Variants in NOL4 observed in about 807,000 individuals in gnomAD.
NOL4 encodes the protein cancer/testis antigen 125.
A neutral mutation model predicts 75.9 loss-of-function variants in NOL4; 17 were observed. The ratio of observed to expected loss-of-function variants is 0.22; its 90% CI spans 0.15 to 0.34. The LOEUF is 0.34. Among genes scored for constraint, NOL4 ranks in the 10% least tolerant of loss-of-function variants. NOL4 has a pLI of 1.00. For synonymous variants in NOL4, 292 were observed against 289.9 expected (o/e 1.01, Z -0.07); for missense variants, 614 against 793.5 (o/e 0.77, Z 2.72).
intron 2 of NOL4, among the ~76,000 whole-genome samples, chr18:34,115,805 C>G (rs750190229): frequency 6.6e-6 from 1 of 152,114 alleles, no homozygotes; most frequent in African/African-American, 2.4e-5. Context: ...CTTGGTGTGT[C>G]CACGTTCTTG....
At chr18:34,151,946 G>A (rs1287545289) in intron 1 of NOL4, among the ~76,000 whole-genome samples, 1 of 151,724 alleles carries the variant, frequency 6.6e-6, no homozygotes, top group African/African-American at 2.4e-5. Flanking sequence ...TTATTCTAGT[G>A]GACCGACAAC....
At chr18:34,200,534 T>C (rs1018600095) in intron 1 of NOL4, among the ~76,000 whole-genome samples, 6 of 151,802 alleles carry the variant, frequency 4.0e-5, no homozygotes, top group Non-Finnish European at 8.9e-5. Context: ...TATCTTCATA[T>C]GGCAAAACAA....
At chr18:33,854,908 C>T (rs552148359) in intron 10 of NOL4, among the ~76,000 whole-genome samples, 2 of 152,044 alleles carry the variant, frequency 1.3e-5, no homozygotes, top group South Asian at 2.1e-4. Flanking sequence ...TTACACCCTA[C>T]CGCTGGCTCA....
At chr18:33,987,540 T>C (rs1372946824) in intron 6 of NOL4, among the ~76,000 whole-genome samples, 1 of 152,150 alleles carries the variant, frequency 6.6e-6, no homozygotes, top group Non-Finnish European at 1.5e-5. Context: ...TATCCCATAT[T>C]TGATCCTTTG....
At position 33,958,311 on chromosome 18, in the gene NOL4, G is replaced by C; in HGVS notation, c.1164C>G (p.His388Gln). ...CTTTCTCCGAATCGTCATGGTCCTC[G>C]TGGTCATCTTCGTCCTCATCTCCCC... ...LNRGDEDEDD[H>Q]EDHDDSEKVN... is the part of the protein sequence containing the mutation. The change falls in exon 7 of 11, where the codon CAC (histidine) becomes CAG (glutamine). Residue 388 changes from histidine (H) to glutamine (Q), a missense_variant. By Grantham distance (24) the His-to-Gln change is conservative (BLOSUM62 0). Around this residue, in one of 9 missense-constraint regions of NOL4, gnomAD observed 196 missense variants for 167.9 expected, o/e 1.17. Coordinates refer to ENST00000261592, the MANE Select transcript of NOL4 (RefSeq NM_003787.5). 2 of 1,613,762 alleles carry C rather than the reference G, an allele frequency of 1.2e-6. No homozygotes were observed. Among genetic ancestry groups the C allele is most frequent in the Non-Finnish European group, 1.7e-6 (2 of 1,179,782 alleles).
intron 2 of NOL4, among the ~76,000 whole-genome samples, chr18:34,128,603 T>TCTCCTGG (rs1186925469): frequency 1.3e-5 from 2 of 151,994 alleles, no homozygotes; most frequent in East Asian, 3.9e-4. Context: ...CTGGAATGTG[T>TCTCCTGG]AAGTCAAAAG....
intron 9 of NOL4, among the ~76,000 whole-genome samples, chr18:33,932,973 G>A (rs1039236469): frequency 3.3e-5 from 5 of 152,074 alleles, no homozygotes; most frequent in South Asian, 2.1e-4. Flanking sequence ...TGCAAAATAC[G>A]TTCTATCCCA....
At chr18:34,087,629 T>C (rs555290355) in intron 5 of NOL4, among the ~76,000 whole-genome samples, 37 of 152,094 alleles carry the variant, frequency 2.4e-4, no homozygotes, top group Non-Finnish European at 3.2e-4. Context: ...GAATTTAATA[T>C]GTATTAGTTG....
intron 9 of NOL4, among the ~76,000 whole-genome samples, chr18:33,920,569 A>G (rs577252054): frequency 4.9e-4 from 75 of 152,300 alleles, no homozygotes; most frequent in African/African-American, 1.7e-3. Flanking sequence ...GATTTGGAAA[A>G]TGTTTCAGAT....
chr18:33,991,143 C>T (rs577843634), intron 6 of NOL4, among the ~76,000 whole-genome samples: 7 of 151,958 alleles, frequency 4.6e-5, no homozygotes, highest in African/African-American at 9.6e-5. Context: ...ATCCTCTCAC[C>T]GATATCCACA....
intron 1 of NOL4, among the ~76,000 whole-genome samples, chr18:34,218,613 C>A (rs1456156884): frequency 2.0e-5 from 3 of 152,176 alleles, no homozygotes. Flanking sequence ...ATCACTAAGT[C>A]AGCTAATAAG....
At chr18:34,191,349 A>C (rs1175411947) in intron 1 of NOL4, among the ~76,000 whole-genome samples, 1 of 152,160 alleles carries the variant, frequency 6.6e-6, no homozygotes, top group Non-Finnish European at 1.5e-5. Context: ...ACATAACACA[A>C]TAATTGACCA....
At chr18:34,097,722 T>C (rs2078854534) in intron 4 of NOL4, among the ~76,000 whole-genome samples, 1 of 152,188 alleles carries the variant, frequency 6.6e-6, no homozygotes, top group Non-Finnish European at 1.5e-5. Flanking sequence ...TGACAATCCT[T>C]TGTTGTGAAA....
intron 1 of NOL4, chr18:34,222,190 G>T (rs755638047): frequency 5.9e-5 from 86 of 1,465,490 alleles, no homozygotes; most frequent in Non-Finnish European, 7.0e-5. Context: ...GCCTCGCGGC[G>T]CCTGGGCTAG....
intron 5 of NOL4, among the ~76,000 whole-genome samples, chr18:34,024,866 A>C (rs1337781545): frequency 6.6e-6 from 1 of 152,198 alleles, no homozygotes; most frequent in South Asian, 2.1e-4. Context: ...CTAACACAAT[A>C]AAGGCTAGAA....
intron 9 of NOL4, among the ~76,000 whole-genome samples, chr18:33,897,711 C>A (rs1402972539): frequency 6.6e-6 from 1 of 152,066 alleles, no homozygotes; most frequent in Non-Finnish European, 1.5e-5. Context: ...TCCCATGACA[C>A]ATGTTTGACT....
chr18:34,117,620 A>C (rs925170153), intron 2 of NOL4, among the ~76,000 whole-genome samples: 3 of 152,162 alleles, frequency 2.0e-5, no homozygotes, highest in Non-Finnish European at 4.4e-5. Flanking sequence ...CCTGGAAAAA[A>C]TTAACAGGCC....
intron 5 of NOL4, among the ~76,000 whole-genome samples, chr18:34,043,193 C>G (rs983137090): frequency 2.0e-5 from 3 of 152,020 alleles, no homozygotes; most frequent in African/African-American, 7.2e-5. Flanking sequence ...TGTGCTTTGG[C>G]AAAAGCAGAT....
intron 5 of NOL4, among the ~76,000 whole-genome samples, chr18:34,090,732 A>C (rs2078474855): frequency 6.6e-6 from 1 of 152,166 alleles, no homozygotes; most frequent in Non-Finnish European, 1.5e-5. Context: ...CAATGAATTA[A>C]GCAATAAGAA....
Sources: gnomAD v4.1 joint callset for allele counts (sites outside exome capture counted in the v4.1 genomes callset) on GRCh38, gnomAD v4.1.1 for gene constraint, gnomAD v4.1.1 regional missense constraint, MANE v1.5 for transcripts, NCBI Gene and HGNC (gene_info 2026-07-23, HGNC 2026-07-21) for gene names.